PNPLA7: variants seen among roughly 807,000 people sequenced by gnomAD.
PNPLA7 encodes patatin-like phospholipase domain-containing protein 7.
A neutral mutation model predicts 161.7 loss-of-function variants in PNPLA7; 153 were observed. The ratio of observed to expected loss-of-function variants is 0.95; its 90% CI spans 0.83 to 1.08. The LOEUF is 1.08. Among genes scored for constraint, PNPLA7 ranks in the 50% least tolerant of loss-of-function variants. The probability of loss-of-function intolerance (pLI) is 0.00; values close to 1 mark genes in which losing one functional copy is unlikely to be tolerated. For synonymous variants in PNPLA7, 809 were observed against 782.1 expected, an observed-to-expected ratio of 1.03 and a Z score of -0.57; for missense variants, 1,739 against 1,856.6, an observed-to-expected ratio of 0.94 and a Z score of 1.16.
chr9:137,484,261 T>G (rs984756946), intron 21 of PNPLA7, among the ~76,000 whole-genome samples: 15 of 152,192 alleles, frequency 9.9e-5, no homozygotes, highest in Admixed American at 3.3e-4. Context: ...AACACTGAAA[T>G]TTTTAGCATA....
At chr9:137,475,010 C>CAAAAAAAAAAAAAAAAAAAAA (rs58417100) in intron 25 of PNPLA7, among the ~76,000 whole-genome samples, 14 of 63,612 alleles carry the variant, frequency 2.2e-4, no homozygotes, top group African/African-American at 8.9e-4. Flanking sequence ...GACTCTGCCT[C>CAAAAAAAAAAAAAAAAAAAAA]AAAAAAAAAA....
At position 137,515,536 on chromosome 9, in the gene PNPLA7, C is replaced by T. The variant is rs574328549; in HGVS notation, c.1085-17G>A. 7 of 1,523,238 alleles carry T rather than the reference C, an allele frequency of 4.6e-6. No homozygotes were observed. The South Asian group carries it at 7.7e-5, about 17-fold the overall frequency. The allele number at this position is 1,523,238 out of a possible 1,614,324, so 94.4% of individuals were successfully genotyped here. On this transcript the variant is annotated splice_polypyrimidine_tract_variant and intron_variant, in intron 11 of 34. Coordinates refer to ENST00000406427, the MANE Select transcript of PNPLA7 (RefSeq NM_001098537.3). ...CCCCGTGATCTGCTGGGGAGGCAGCCGTAAGCAACCTTGTTTGCACGCACT... is the reference window on the plus strand; with the variant it reads ...CCCCGTGATCTGCTGGGGAGGCAGCTGTAAGCAACCTTGTTTGCACGCACT...
intron 21 of PNPLA7, among the ~76,000 whole-genome samples, chr9:137,482,087 C>G (rs1233441300): frequency 6.6e-6 from 1 of 152,210 alleles, no homozygotes; most frequent in Non-Finnish European, 1.5e-5. Flanking sequence ...GAAAATCCAG[C>G]CCAATGCTGG....
chr9:137,528,982 G>A (rs1588688608), intron 8 of PNPLA7, among the ~76,000 whole-genome samples: 1 of 152,298 alleles, frequency 6.6e-6, no homozygotes, highest in Non-Finnish European at 1.5e-5. Context: ...TTACAGGCGT[G>A]AGCCACCGCG....
intron 14 of PNPLA7, among the ~76,000 whole-genome samples, chr9:137,503,792 G>GAAATAGA (rs1198435143): frequency 0.43 from 57 of 134 alleles, 14 homozygotes; most frequent in Admixed American, 0.6. Context: ...AGAAGAGAAT[G>GAAATAGA]AAGAAGAAGG....
At chr9:137,503,830 A>T (rs1383764951) in intron 14 of PNPLA7, among the ~76,000 whole-genome samples, 47 of 11,606 alleles carry the variant, frequency 4.0e-3, no homozygotes, top group African/African-American at 9.4e-3. Context: ...AGGAAGAAGA[A>T]AGAAGCAAGA....
chr9:137,480,744 G>A (rs570545134), intron 22 of PNPLA7: 105 of 725,836 alleles, frequency 1.4e-4, no homozygotes, highest in African/African-American at 1.3e-3. Flanking sequence ...GGCGGGAAGC[G>A]GGGGCTGGGG....
intron 25 of PNPLA7, among the ~76,000 whole-genome samples, chr9:137,477,641 C>T (rs910138873): frequency 6.6e-6 from 1 of 152,180 alleles, no homozygotes; most frequent in African/African-American, 2.4e-5. Context: ...GACTGGGTTT[C>T]GCCACGTTGG....
intron 8 of PNPLA7, among the ~76,000 whole-genome samples, chr9:137,525,375 A>G (rs1835246993): frequency 6.6e-6 from 1 of 152,218 alleles, no homozygotes; most frequent in Admixed American, 6.5e-5. Context: ...CCACCAAGGC[A>G]TGGAGACCGG....
Position 137,515,412 on chromosome 9 carries a change from C to A in PNPLA7, c.1192G>T (p.Gly398Trp), listed in dbSNP as rs369435624. Residue 398 changes from glycine to tryptophan, a missense_variant, in exon 12 of 35, where the codon GGG (glycine) becomes TGG (tryptophan). Gly to Trp is a radical substitution (Grantham distance 184). This residue lies in a region of PNPLA7 where 481 missense variants were observed against 450.0 expected (regional missense o/e 1.07). Coordinates refer to ENST00000406427, the MANE Select transcript of PNPLA7 (RefSeq NM_001098537.3). Reference protein sequence around the residue: ...KQILEELEKPGAGDPDPSAPQ... With the variant: ...KQILEELEKPWAGDPDPSAPQ... ...GCCGAAGGGTCAGGGTCACCTGCCC[C>A]GGGCTTCTCCAGCTCCTCCAAGATC... is the stretch of plus-strand genomic sequence containing the variant. 2 of 1,603,844 alleles carry A rather than the reference C, an allele frequency of 1.2e-6. No individual in the cohort carries two copies. Among genetic ancestry groups the A allele is most frequent in the Admixed American group, 3.4e-5 (2 of 58,670 alleles).
chr9:137,460,223 G>T lies in PNPLA7; in HGVS notation c.*170C>A. 1 of 612,740 alleles carries T rather than the reference G, an allele frequency of 1.6e-6. No individual in the cohort carries two copies. Among genetic ancestry groups the T allele is most frequent in the Non-Finnish European group, 2.8e-6 (1 of 352,176 alleles). The allele number at this position is 612,740 out of a possible 1,614,324, so 38.0% of individuals were successfully genotyped here. A position where few individuals can be genotyped will look rare whatever the true frequency, so the allele number is the denominator to read the frequency against. ...GGGGCTCACAGGGCCCTGTATGCAG[G>T]GCTGCTGGTACAAAGAAGAGGCCCA... On this transcript the variant is annotated 3_prime_UTR_variant, in exon 35 of 35. Coordinates refer to ENST00000406427, the MANE Select transcript of PNPLA7 (RefSeq NM_001098537.3).
chr9:137,547,238 T>C lies in PNPLA7; in HGVS notation c.193+71A>G. On this transcript the variant is annotated intron_variant, in intron 3 of 34. Coordinates refer to ENST00000406427, the MANE Select transcript of PNPLA7 (RefSeq NM_001098537.3). This position sits in a 1 kb window ranked among gnomAD's most constrained non-coding sequence, Gnocchi z 4.6. ...GCGCTTGAGGGCCCCTCCCAGGGGCTCAAAACACATCCCAAGACACCCACG... is the reference window on the plus strand; with the variant it reads ...GCGCTTGAGGGCCCCTCCCAGGGGCCCAAAACACATCCCAAGACACCCACG... 1 of 1,470,088 alleles carries C rather than the reference T, an allele frequency of 6.8e-7. No individual in the cohort carries two copies. The allele number at this position is 1,470,088 out of a possible 1,614,324, so 91.1% of individuals were successfully genotyped here.
Position 137,520,046 on chromosome 9 carries a change from G to A in PNPLA7, c.958-3C>T. On this transcript the variant is annotated splice_region_variant and splice_polypyrimidine_tract_variant and intron_variant, in intron 10 of 34. Coordinates refer to ENST00000406427, the MANE Select transcript of PNPLA7 (RefSeq NM_001098537.3). The surrounding 1 kb of genome is among the most constrained non-coding windows in gnomAD (Gnocchi z 5.2). ...ACGAGAGGGATGGCCTGGCTCTCCTGGGACACAAGAAGGAAGTTCAGTGCC... is the reference window on the plus strand; with the variant it reads ...ACGAGAGGGATGGCCTGGCTCTCCTAGGACACAAGAAGGAAGTTCAGTGCC... 1 of 1,612,056 alleles carries A rather than the reference G, an allele frequency of 6.2e-7. No individual in the cohort carries two copies. Among genetic ancestry groups the A allele is most frequent in the Non-Finnish European group, 8.5e-7 (1 of 1,179,800 alleles).
At chr9:137,546,965 G>T in intron 3 of PNPLA7, 56 bp from the exon 4 acceptor site, 1 of 1,520,630 alleles carries the variant, frequency 6.6e-7, no homozygotes, top group Non-Finnish European at 9.1e-7. Flanking sequence ...GCCTGGTCCT[G>T]GACATGCAGG....
chr9:137,498,318 G>A, intron 16 of PNPLA7, 73 bp from the exon 17 acceptor site: 1 of 1,574,738 alleles, frequency 6.4e-7, no homozygotes, highest in East Asian at 2.3e-5. Context: ...GCAGTGCTCG[G>A]GAATGGATGG....
At position 137,523,276 on chromosome 9, in the gene PNPLA7, G is replaced by A. The variant is rs531615791; in HGVS notation, c.748-419C>T. 6.6e-6 allele frequency among the ~76,000 whole-genome samples: 1 copy of A among 151,186 alleles called. No homozygotes were observed. Among genetic ancestry groups the A allele is most frequent in the Non-Finnish European group, 1.5e-5 (1 of 67,716 alleles). The stretch of plus-strand genomic sequence containing the variant: ...CAACCTGAGCGGGCTTCCTAAAAAG[G>A]CCACCGAGAGGGTCAGGAGCCACCA... On this transcript the variant is annotated intron_variant, in intron 8 of 34. Transcript: ENST00000406427. This position sits in a 1 kb window ranked among gnomAD's most constrained non-coding sequence, Gnocchi z 4.4.
intron 21 of PNPLA7, among the ~76,000 whole-genome samples, 169 bp downstream of exon 21, chr9:137,484,418 C>T (rs1162442097): frequency 2.6e-5 from 4 of 152,196 alleles, no homozygotes; most frequent in Non-Finnish European, 5.9e-5. Context: ...GCCCTTGAAT[C>T]CCCAAATTTA....
At chr9:137,526,038 G>A (rs371156986) in intron 8 of PNPLA7, among the ~76,000 whole-genome samples, 142 of 151,516 alleles carry the variant, frequency 9.4e-4, no homozygotes, top group African/African-American at 2.8e-3. Flanking sequence ...GGAACAAAGA[G>A]TAATGCTACA....
At position 137,537,088 on chromosome 9, in the gene PNPLA7, G is replaced by A. The variant is rs1406426579; in HGVS notation, c.747+3554C>T. Among the ~76,000 whole-genome samples, 1 of 152,064 alleles carries A rather than the reference G, an allele frequency of 6.6e-6. No homozygotes were observed. Among genetic ancestry groups the A allele is most frequent in the Non-Finnish European group, 1.5e-5 (1 of 68,042 alleles). The stretch of plus-strand genomic sequence containing the variant: ...AGTGTGTCTAGAATGGATGGGTTAG[G>A]AAACAGCAAGAAAAGCTGCTCAGAA... On this transcript the variant is annotated intron_variant, in intron 8 of 34. Transcript: ENST00000406427. This position sits in a 1 kb window ranked among gnomAD's most constrained non-coding sequence, Gnocchi z 4.5.
Sources: allele counts gnomAD v4.1 joint callset (sites outside exome capture counted in the v4.1 genomes callset), GRCh38; gene constraint gnomAD v4.1.1; regional missense constraint gnomAD v4.1.1; non-coding constraint Gnocchi (gnomAD v3.1); transcripts MANE v1.5; gene names NCBI Gene and HGNC (gene_info 2026-07-23, HGNC 2026-07-21).